INAVA: variants seen among roughly 807,000 people sequenced by gnomAD.
INAVA encodes the protein innate immunity activator protein.
Under a neutral mutation model 55.3 loss-of-function variants are expected in INAVA, and 32 were observed. The ratio of observed to expected loss-of-function variants is 0.58; its 90% CI spans 0.44 to 0.78. The LOEUF (loss-of-function observed/expected upper bound fraction) is 0.78. Among genes scored for constraint, INAVA ranks in the 30% least tolerant of loss-of-function variants. The pLI is 0.00. For missense variants in INAVA, 756 were observed against 786.4 expected (o/e 0.96, Z 0.46); for synonymous variants, 294 against 329.4 (o/e 0.89, Z 1.16).
intron 9 of INAVA, 36 bp downstream of exon 9, chr1:200,912,173 G>A: frequency 4.0e-6 from 6 of 1,516,148 alleles, no homozygotes; most frequent in Non-Finnish European, 5.3e-6. Flanking sequence ...GGGCCAGGCA[G>A]GAGGGCTGTT....
chr1:200,893,754 G>A (rs75305725), upstream of INAVA, among the ~76,000 whole-genome samples: 1 of 152,318 alleles, frequency 6.6e-6, no homozygotes, highest in African/African-American at 2.4e-5. Context: ...CCGGAGCAGT[G>A]GGGGATGCTG....
At chr1:200,902,928 A>C (rs962419587) in intron 5 of INAVA, 1 of 152,284 alleles carries the variant, frequency 6.6e-6, no homozygotes, top group Admixed American at 6.5e-5. Flanking sequence ...CAGGAGGATG[A>C]GGTTCTGAAA....
chr1:200,897,738 T>C (rs548949265), intron 1 of INAVA, among the ~76,000 whole-genome samples: 130 of 152,128 alleles, frequency 8.5e-4, no homozygotes, highest in South Asian at 5.8e-3. Context: ...CAGGCAATCC[T>C]CCTGCCTCAG....
chr1:200,891,726 C>G, upstream of INAVA: 1 of 1,432,624 alleles, frequency 7.0e-7, no homozygotes, highest in Non-Finnish European at 9.2e-7. Flanking sequence ...TTCGGGGCAC[C>G]CAGTGCGGGT....
chr1:200,899,775 G>T (rs1326556934), intron 3 of INAVA, among the ~76,000 whole-genome samples, 178 bp downstream of exon 3: 1 of 152,222 alleles, frequency 6.6e-6, no homozygotes, highest in Non-Finnish European at 1.5e-5. Context: ...GCTGGATGGA[G>T]AAGAGTCAGA....
chr1:200,903,565 G>A (rs141042559), intron 5 of INAVA, among the ~76,000 whole-genome samples: 3,193 of 151,992 alleles, frequency 0.021, 74 homozygotes, highest in East Asian at 0.11. Context: ...AGCACTTTGG[G>A]AGGCCGAGGC....
intron 5 of INAVA, among the ~76,000 whole-genome samples, chr1:200,905,183 C>G (rs770524877): frequency 5.9e-5 from 9 of 152,224 alleles, no homozygotes; most frequent in Non-Finnish European, 1.3e-4. Context: ...ACTCAGGAGT[C>G]AAGCCCAGCT....
intron 2 of INAVA, among the ~76,000 whole-genome samples, 166 bp from the exon 3 acceptor site, chr1:200,899,307 C>G (rs1310485543): frequency 6.6e-6 from 1 of 152,074 alleles, no homozygotes; most frequent in Non-Finnish European, 1.5e-5. Flanking sequence ...TGTTTTGTGG[C>G]TGTGACACAG....
intron 2 of INAVA, among the ~76,000 whole-genome samples, chr1:200,899,231 C>A (rs574995034): frequency 6.6e-6 from 1 of 152,278 alleles, no homozygotes; most frequent in Non-Finnish European, 1.5e-5. Context: ...ACTCCCCCAC[C>A]ATAGGTCACC....
chr1:200,895,219 T>A, intron 1 of INAVA, 132 bp downstream of exon 1: 1 of 737,030 alleles, frequency 1.4e-6, no homozygotes, highest in Non-Finnish European at 1.7e-6. Flanking sequence ...TGTGTAGGGA[T>A]GACAGAGGGG....
At chr1:200,899,686 G>T (rs755569579) in intron 3 of INAVA, 89 bp downstream of exon 3, 2 of 1,523,518 alleles carry the variant, frequency 1.3e-6, no homozygotes, top group East Asian at 2.4e-5. Flanking sequence ...GGGAGAGGGA[G>T]CCCCATTCTT....
Position 200,900,176 on chromosome 1 carries a change from A to G in INAVA, c.253A>G (p.Ile85Val), listed in dbSNP as rs1474536680. The change falls in exon 4 of 10, where the codon ATC (isoleucine) becomes GTC (valine). Residue 85 changes from isoleucine (I) to valine (V), a missense_variant. Around this residue, in one of 2 missense-constraint regions of INAVA, gnomAD observed 639 missense variants for 624.3 expected, o/e 1.02. Transcript: ENST00000413687. ...AAAGGCCCCCAAGGTTCGCCGCAGG[A>G]TCGGAGCGGCTTACAAACTGGATGA... is the stretch of plus-strand genomic sequence containing the variant. ...GEKAPKVRRR[I>V]GAAYKLDDWA... is the part of the protein sequence containing the mutation. 1.2e-6 allele frequency: 2 copies of G among 1,614,152 alleles called. No individual in the cohort carries two copies. Among genetic ancestry groups the G allele is most frequent in the Admixed American group, 1.7e-5 (1 of 60,016 alleles).
At chr1:200,891,544 C>T, upstream of INAVA, 2 of 1,602,212 alleles carry the variant, frequency 1.2e-6, 1 homozygote, top group South Asian at 2.2e-5. Context: ...ATTTGGGATG[C>T]TGCAAATGCC....
chr1:200,904,636 C>T (rs1282264234), intron 5 of INAVA, among the ~76,000 whole-genome samples: 1 of 152,074 alleles, frequency 6.6e-6, no homozygotes, highest in Non-Finnish European at 1.5e-5. Context: ...GGGTGTCCTG[C>T]GATGCTGCTG....
rs1653873707 is a variant in INAVA at position 200,914,576 on chromosome 1, C to T, written c.*947C>T. 6.6e-6 allele frequency: 1 copy of T among 151,706 alleles called. No homozygotes were observed. Among genetic ancestry groups the T allele is most frequent in the African/African-American group, 2.4e-5 (1 of 41,240 alleles). The allele number at this position is 151,706 out of a possible 1,614,324, so 9.4% of individuals were successfully genotyped here. A position where few individuals can be genotyped will look rare whatever the true frequency, so the allele number is the denominator to read the frequency against. On this transcript the variant is annotated 3_prime_UTR_variant, in exon 10 of 10. Coordinates refer to ENST00000413687, the MANE Select transcript of INAVA (RefSeq NM_001142569.3). ...CAAGCGAATCTCCTGCCTCAGCCTT[C>T]CGAGTAGCTGGGATTACAGGCAAGC...
At chr1:200,892,354 C>G (rs558025062), upstream of INAVA, among the ~76,000 whole-genome samples, 434 of 152,052 alleles carry the variant, frequency 2.9e-3, no homozygotes, top group Non-Finnish European at 4.8e-3. Flanking sequence ...AGGACGAGGC[C>G]CTTGCTTTAA....
intron 2 of INAVA, 84 bp from the exon 3 acceptor site, chr1:200,899,389 G>A: frequency 5.3e-6 from 8 of 1,510,062 alleles, no homozygotes; most frequent in Non-Finnish European, 7.3e-6. Context: ...GTGTGCATGT[G>A]CATTCCCCTA....
chr1:200,899,945 G>A (rs1216621508), intron 3 of INAVA, among the ~76,000 whole-genome samples, 159 bp from the exon 4 acceptor site: 2 of 152,204 alleles, frequency 1.3e-5, no homozygotes, highest in South Asian at 2.1e-4. Context: ...TGCAGAGTGG[G>A]TCTGAAGACA....
chr1:200,910,008 C>T (rs577976618), intron 8 of INAVA, among the ~76,000 whole-genome samples: 28 of 152,296 alleles, frequency 1.8e-4, no homozygotes, highest in African/African-American at 6.7e-4. Flanking sequence ...ACCTAGCACA[C>T]ATATTTTCTC....
Sources: gnomAD v4.1 joint callset for allele counts (sites outside exome capture counted in the v4.1 genomes callset) on GRCh38, gnomAD v4.1.1 for gene constraint, gnomAD v4.1.1 regional missense constraint, MANE v1.5 for transcripts, NCBI Gene and HGNC (gene_info 2026-07-23, HGNC 2026-07-21) for gene names.